GNAO1: variants seen among roughly 807,000 people sequenced by gnomAD.
The protein encoded by GNAO1 is G protein subunit alpha o1.
For missense variants in GNAO1, 166 were observed against 478.7 expected (o/e 0.35, Z 6.10); for synonymous variants, 164 against 180.7 (o/e 0.91, Z 0.74).
At position 56,347,379 on chromosome 16, in the gene GNAO1, A is replaced by G. The variant is rs1357501346; in HGVS notation, c.724-4005A>G. 6 of 985,460 alleles carry G rather than the reference A, an allele frequency of 6.1e-6. No individual in the cohort carries two copies. In the African/African-American group the frequency reaches 1.0e-4, roughly 17 times the overall value. 61.0% of individuals were successfully genotyped at this position (985,460 alleles called of 1,614,324 possible). On this transcript the variant is annotated intron_variant, in intron 6 of 8. Transcript: ENST00000262493. ...CAAGCCTAGAGCGCAGGATCCCAGC[A>G]GCCCAGGGAACAGGGCCGGCGTGTG...
chr16:56,263,558 G>A (rs1169435250), intron 2 of GNAO1, among the ~76,000 whole-genome samples: 1 of 152,196 alleles, frequency 6.6e-6, no homozygotes, highest in Non-Finnish European at 1.5e-5. Flanking sequence ...GTCTGAGGAG[G>A]TGACATCCGA....
At chr16:56,298,691 T>G (rs1195500719) in intron 3 of GNAO1, among the ~76,000 whole-genome samples, 1 of 151,958 alleles carries the variant, frequency 6.6e-6, no homozygotes, top group Non-Finnish European at 1.5e-5. Context: ...AGCGGGCAGA[T>G]CACGAGATCA....
At chr16:56,287,141 G>A (rs2037180350) in intron 3 of GNAO1, among the ~76,000 whole-genome samples, 1 of 152,238 alleles carries the variant, frequency 6.6e-6, no homozygotes. Flanking sequence ...ACTGACCAAT[G>A]GTCTCGCCTT....
intron 3 of GNAO1, among the ~76,000 whole-genome samples, chr16:56,282,658 A>G (rs1343573092): frequency 6.6e-6 from 1 of 152,242 alleles, no homozygotes; most frequent in African/African-American, 2.4e-5. Context: ...CACTTCCTCA[A>G]TGGCCCTACA....
At chr16:56,218,140 G>T (rs746710399) in intron 2 of GNAO1, among the ~76,000 whole-genome samples, 6 of 152,214 alleles carry the variant, frequency 3.9e-5, no homozygotes, top group Non-Finnish European at 8.8e-5. Flanking sequence ...AGCCCCAGGT[G>T]GGCGAGAGAT....
intron 6 of GNAO1, among the ~76,000 whole-genome samples, chr16:56,349,342 C>T (rs2037900908): frequency 6.6e-6 from 1 of 152,162 alleles, no homozygotes; most frequent in Non-Finnish European, 1.5e-5. Context: ...CAAGGTGGCT[C>T]TGTGGAGTGG....
At chr16:56,250,618 T>C (rs999686579) in intron 2 of GNAO1, among the ~76,000 whole-genome samples, 1 of 152,178 alleles carries the variant, frequency 6.6e-6, no homozygotes, top group African/African-American at 2.4e-5. Context: ...GCAGAAATCC[T>C]GCCCAATGAC....
At chr16:56,289,772 C>A (rs150521583) in intron 3 of GNAO1, among the ~76,000 whole-genome samples, 11 of 152,190 alleles carry the variant, frequency 7.2e-5, no homozygotes, top group African/African-American at 2.4e-4. Context: ...TATTGATTGG[C>A]CCACTCCTCA....
chr16:56,256,308 T>C (rs2036845689), intron 2 of GNAO1, among the ~76,000 whole-genome samples: 1 of 152,208 alleles, frequency 6.6e-6, no homozygotes, highest in African/African-American at 2.4e-5. Flanking sequence ...CACTTCTTGG[T>C]CTGACCTGGG....
chr16:56,282,164 A>G (rs1355499585), intron 3 of GNAO1, among the ~76,000 whole-genome samples: 1 of 152,158 alleles, frequency 6.6e-6, no homozygotes, highest in African/African-American at 2.4e-5. Context: ...CTAAGTTTAA[A>G]CCCCAATTCT....
At chr16:56,341,449 T>A (rs2037802548) in intron 6 of GNAO1, among the ~76,000 whole-genome samples, 1 of 152,188 alleles carries the variant, frequency 6.6e-6, no homozygotes, top group African/African-American at 2.4e-5. Flanking sequence ...GTGATTGCCC[T>A]CGCCTCCCTC....
intron 2 of GNAO1, chr16:56,235,180 A>G (rs1013650594): frequency 1.5e-4 from 57 of 383,772 alleles, no homozygotes; most frequent in African/African-American, 1.2e-3. Context: ...AAGGCTGGTG[A>G]TTGAGACAAG....
chr16:56,200,050 C>T (rs558287890), intron 2 of GNAO1, among the ~76,000 whole-genome samples: 9 of 152,282 alleles, frequency 5.9e-5, no homozygotes, highest in African/African-American at 1.7e-4. Flanking sequence ...CTGCCTGTGT[C>T]TTAGCCAACA....
intron 4 of GNAO1, among the ~76,000 whole-genome samples, chr16:56,332,273 C>G (rs2037696734): frequency 6.6e-6 from 1 of 152,192 alleles, no homozygotes; most frequent in East Asian, 1.9e-4. Flanking sequence ...TGGCCACCCT[C>G]ACCTCCACCA....
chr16:56,196,887 G>A (rs1331028889), intron 2 of GNAO1, among the ~76,000 whole-genome samples: 2 of 152,206 alleles, frequency 1.3e-5, no homozygotes, highest in Non-Finnish European at 2.9e-5. Flanking sequence ...TGACAAGTGG[G>A]ATGTGATTCA....
intron 3 of GNAO1, among the ~76,000 whole-genome samples, chr16:56,288,621 T>G (rs1331434185): frequency 2.6e-5 from 4 of 152,174 alleles, no homozygotes; most frequent in African/African-American, 9.7e-5. Flanking sequence ...GTCACTCAGC[T>G]CTGATAGCAA....
At chr16:56,340,734 T>C in intron 6 of GNAO1, 2 of 1,054,610 alleles carry the variant, frequency 1.9e-6, no homozygotes, top group African/African-American at 1.6e-5. Context: ...CCAGCCACAT[T>C]GGTGGACCTT....
chr16:56,208,113 A>G (rs1182457935), intron 2 of GNAO1, among the ~76,000 whole-genome samples: 1 of 152,072 alleles, frequency 6.6e-6, no homozygotes, highest in Non-Finnish European at 1.5e-5. Context: ...GAATCATGCT[A>G]TTTGTATCTT....
chr16:56,238,313 G>T (rs2036660640), intron 2 of GNAO1, among the ~76,000 whole-genome samples: 1 of 152,190 alleles, frequency 6.6e-6, no homozygotes, highest in Admixed American at 6.5e-5. Flanking sequence ...CCAGAAAACT[G>T]CATCCTTTCC....
Sources: gnomAD v4.1 joint callset for allele counts (sites outside exome capture counted in the v4.1 genomes callset) on GRCh38, gnomAD v4.1.1 for gene constraint, MANE v1.5 for transcripts, NCBI Gene and HGNC (gene_info 2026-07-23, HGNC 2026-07-21) for gene names.